Variants in FLNC observed in about 807,000 individuals in gnomAD.
FLNC encodes filamin-C.
Under a neutral mutation model 254.3 loss-of-function variants are expected in FLNC, and 91 were observed. That is an observed-to-expected ratio of 0.36 (90% CI 0.30 to 0.43). FLNC has a LOEUF of 0.43. Ranked by LOEUF, FLNC falls within the 20% of genes least tolerant of loss-of-function variation. FLNC has a pLI of 1.00. For synonymous variants in FLNC, 1,430 were observed against 1,577.2 expected (o/e 0.91, Z 2.21); for missense variants, 2,853 against 3,802.6 (o/e 0.75, Z 6.57).
intron 1 of FLNC, 115 bp downstream of exon 1, chr7:128,831,104 C>G (rs1807872722): frequency 3.1e-6 from 3 of 961,800 alleles, no homozygotes; most frequent in Admixed American, 2.4e-5. Flanking sequence ...GAGGGCACCC[C>G]CCGGTATAGA....
At chr7:128,850,687 C>T (rs943483656) in intron 32 of FLNC, 116 bp from the exon 33 acceptor site, 10 of 1,502,378 alleles carry the variant, frequency 6.7e-6, no homozygotes, top group Non-Finnish European at 8.2e-6. Flanking sequence ...CACAGGCTGT[C>T]TCTTGATGCC....
chr7:128,852,442 A>C (rs1808857161), intron 35 of FLNC, 149 bp from the exon 36 acceptor site: 2 of 848,750 alleles, frequency 2.4e-6, no homozygotes, highest in Non-Finnish European at 3.9e-6. Flanking sequence ...TGCAGACTGC[A>C]CTTTCCAGGC....
chr7:128,854,951 A>C (rs1808991963), intron 42 of FLNC, 39 bp downstream of exon 42: 2 of 1,609,690 alleles, frequency 1.2e-6, no homozygotes, highest in South Asian at 1.1e-5. Context: ...GGCCTGCCTG[A>C]CCTTCCAGAC....
intron 40 of FLNC, 71 bp from the exon 41 acceptor site, chr7:128,854,342 C>T (rs958785071): frequency 7.2e-5 from 115 of 1,596,238 alleles, no homozygotes; most frequent in Non-Finnish European, 9.2e-5. Flanking sequence ...GGAGGTTTAA[C>T]TGATGGGGGA....
chr7:128,831,935 C>G (rs1470899054), intron 1 of FLNC, among the ~76,000 whole-genome samples: 5 of 152,132 alleles, frequency 3.3e-5, no homozygotes, highest in Admixed American at 6.5e-5. Context: ...GGAAGATCCC[C>G]CCGCCCACCC....
intron 24 of FLNC, 120 bp downstream of exon 24, chr7:128,847,025 A>T: frequency 7.5e-7 from 1 of 1,340,380 alleles, no homozygotes; most frequent in East Asian, 2.3e-5. Context: ...GACAGCCTAG[A>T]GTGGGTTGGG....
In FLNC at chr7:128,846,104, C is replaced by T. The variant is rs746249435; in HGVS notation, c.3905C>T (p.Thr1302Ile). 6.2e-7 allele frequency: 1 copy of T among 1,614,028 alleles called. No individual in the cohort carries two copies. Among genetic ancestry groups the T allele is most frequent in the Non-Finnish European group, 8.5e-7 (1 of 1,180,012 alleles). Residue 1302 changes from threonine (T) to isoleucine (I), a missense_variant, in exon 22 of 48, where the codon ACC (threonine) becomes ATC (isoleucine). Physicochemically the swap from Thr to Ile is moderately conservative, Grantham distance 89. This residue lies in a region of FLNC where 1,573 missense variants were observed against 1,883.5 expected (regional missense o/e 0.84). Transcript: ENST00000325888. ...VLNPSGAKTD[T>I]YVTDNGDGTY... The stretch of plus-strand genomic sequence containing the variant: ...AACCCCTCGGGGGCCAAGACAGACA[C>T]CTATGTGACAGACAATGGGGACGGC...
chr7:128,831,094 G>A, intron 1 of FLNC, 105 bp downstream of exon 1: 1 of 1,055,052 alleles, frequency 9.5e-7, no homozygotes, highest in Non-Finnish European at 1.3e-6. Context: ...AGACAGGGCG[G>A]AGGGCACCCC....
chr7:128,852,774 G>A (rs1344074158), intron 36 of FLNC, 22 bp downstream of exon 36: 1 of 1,613,370 alleles, frequency 6.2e-7, no homozygotes, highest in South Asian at 1.1e-5. Flanking sequence ...GCCTCACGGG[G>A]ACCTCAGGGG....
rs1173030928 is a variant in FLNC, at chr7:128,837,424, C to T, written c.726C>T (p.Asp242=). 3 of 1,614,136 alleles carry T rather than the reference C, an allele frequency of 1.9e-6. No individual in the cohort carries two copies. Among genetic ancestry groups the T allele is most frequent in the Non-Finnish European group, 2.5e-6 (3 of 1,180,004 alleles). The change falls in exon 4 of 48, where the codon GAC becomes GAT. Residue 242 remains aspartate (D), a synonymous_variant. Transcript: ENST00000325888. ...TCATTGCCCCTGAGGAGATTGTGGA[C>T]CCCAACGTGGATGAGCATTCTGTTA... The part of the protein sequence containing the change: ...PQVIAPEEIV[D]PNVDEHSVMT...
Position 128,845,222 on chromosome 7 carries a change from G to A in FLNC, c.3757G>A (p.Val1253Ile), listed in dbSNP as rs117366477. 860 of 1,613,764 alleles carry A rather than the reference G, an allele frequency of 5.3e-4. 9 individuals are homozygous for A. The East Asian group carries it at 0.013, about 24-fold the overall frequency. Residue 1253 changes from valine to isoleucine, a missense_variant, in exon 21 of 48, where the codon GTC (valine) becomes ATC (isoleucine). This residue lies in a region of FLNC where 1,573 missense variants were observed against 1,883.5 expected (regional missense o/e 0.84). Coordinates refer to ENST00000325888, the MANE Select transcript of FLNC (RefSeq NM_001458.5). ...GCAGCCTGCGGTCGATACCAGTGGC[G>A]TCAAGGTCTCAGGGCCTGGTGTTGA... is the stretch of plus-strand genomic sequence containing the variant. ...HVQPAVDTSG[V>I]KVSGPGVEPH...
intron 38 of FLNC, 34 bp downstream of exon 38, chr7:128,853,655 CAG>C (rs769204110): frequency 1.9e-6 from 3 of 1,613,946 alleles, no homozygotes; most frequent in Non-Finnish European, 2.5e-6. Flanking sequence ...TGGCGAGAGA[CAG>C]GGAGGCCAGG....
chr7:128,848,482 C>T, intron 26 of FLNC, 79 bp from the exon 27 acceptor site: 4 of 1,477,248 alleles, frequency 2.7e-6, no homozygotes, highest in South Asian at 1.1e-5. Context: ...ATGGGGAGGA[C>T]TCTGGCTCAA....
intron 20 of FLNC, 55 bp from the exon 21 acceptor site, chr7:128,844,603 A>C (rs746116853): frequency 2.6e-5 from 40 of 1,510,398 alleles, no homozygotes; most frequent in Non-Finnish European, 3.5e-5. Context: ...GGGGCCATGA[A>C]GGCTGGGATG....
At chr7:128,840,764 A>G (rs560935411) in intron 10 of FLNC, 70 bp from the exon 11 acceptor site, 745 of 1,504,510 alleles carry the variant, frequency 5.0e-4, no homozygotes, top group Non-Finnish European at 6.3e-4. Context: ...TTGAGGGGAG[A>G]TGGAGTTTGG....
At position 128,854,237 on chromosome 7, in the gene FLNC, C is replaced by T. The variant is rs200328170; in HGVS notation, c.6727+21C>T. On this transcript the variant is annotated intron_variant, in intron 40 of 47. Coordinates refer to ENST00000325888, the MANE Select transcript of FLNC (RefSeq NM_001458.5). ...GGAGGGTGAGCACCGCACACTGGGC[C>T]GGCCGGGTCCTCACGGCGGGATGGG... 4.9e-4 allele frequency: 788 copies of T among 1,604,752 alleles called. 3 individuals are homozygous for T. The African/African-American group carries it at 9.4e-3, about 19-fold the overall frequency.
intron 20 of FLNC, 126 bp downstream of exon 20, chr7:128,844,392 GAGGCCA>G: frequency 8.1e-7 from 1 of 1,232,818 alleles, no homozygotes; most frequent in Non-Finnish European, 1.1e-6. Context: ...GTGTGGGGCT[GAGGCCA>G]GCCCCACCCC....
chr7:128,840,168 C>A lies in FLNC; in HGVS notation c.1549+8C>A. On this transcript the variant is annotated splice_region_variant and intron_variant, in intron 9 of 47. Coordinates refer to ENST00000325888, the MANE Select transcript of FLNC (RefSeq NM_001458.5). ...TCACGGTCAAGGGGCCAAGTGAGTG[C>A]CAGAGCCCAGGGTCGTGAGGGTGGG... 1 of 1,613,532 alleles carries A rather than the reference C, an allele frequency of 6.2e-7. No individual in the cohort carries two copies. The highest frequency in any genetic ancestry group is 1.1e-5 in the South Asian group (1 of 91,084).
In FLNC at chr7:128,849,963, CT is replaced by C; in HGVS notation, c.5200-11del. 1 of 1,576,102 alleles carries C rather than the reference CT, an allele frequency of 6.3e-7. No individual in the cohort carries two copies. On this transcript the variant is annotated splice_polypyrimidine_tract_variant and intron_variant, in intron 30 of 47. Coordinates refer to ENST00000325888, the MANE Select transcript of FLNC (RefSeq NM_001458.5). ...GCTGCCACACCCTGTGCCCCCGTGC[CT>C]TGCCTCCCCAGGCGTGTGACCCCCT...
Sources: allele counts gnomAD v4.1 joint callset (sites outside exome capture counted in the v4.1 genomes callset), GRCh38; gene constraint gnomAD v4.1.1; regional missense constraint gnomAD v4.1.1; transcripts MANE v1.5; gene names NCBI Gene and HGNC (gene_info 2026-07-23, HGNC 2026-07-21).